Variants in TDRD9 observed in about 807,000 individuals in gnomAD.
TDRD9 encodes ATP-dependent RNA helicase TDRD9.
Under a neutral mutation model 172.6 loss-of-function variants are expected in TDRD9, and 124 were observed. The ratio of observed to expected loss-of-function variants is 0.72; its 90% CI spans 0.62 to 0.83. The LOEUF is 0.83. TDRD9 is among the 40% of genes least tolerant of loss of function. TDRD9 has a pLI of 0.00. For synonymous variants in TDRD9, 619 were observed against 617.1 expected, an observed-to-expected ratio of 1.00 and a Z score of -0.05; for missense variants, 1,479 against 1,714.1, an observed-to-expected ratio of 0.86 and a Z score of 2.42.
intron 1 of TDRD9, among the ~76,000 whole-genome samples, chr14:103,952,218 ATATTTTTTTTTTTTTTTTTTTT>A (rs2031953871): frequency 2.3e-5 from 1 of 44,092 alleles, no homozygotes; most frequent in African/African-American, 1.2e-4. Context: ...ATATATATAT[ATATTTTTTTTTTTTTTTTTTTT>A]TTTTTTTTTT....
intron 19 of TDRD9, among the ~76,000 whole-genome samples, chr14:104,008,083 G>T (rs1048954707): frequency 6.6e-6 from 1 of 152,096 alleles, no homozygotes. Context: ...CTGGCTTAAA[G>T]TCTTTTAAAG....
chr14:103,994,580 A>T lies in TDRD9; in HGVS notation c.1297A>T (p.Ser433Cys). The change falls in exon 11 of 36, where the codon AGT becomes TGT. Residue 433 changes from serine to cysteine, a missense_variant. Physicochemically the swap from Ser to Cys is moderately radical, Grantham distance 112 (BLOSUM62 -1). Around this residue, in one of 3 missense-constraint regions of TDRD9, gnomAD observed 1,413 missense variants for 1,649.1 expected, o/e 0.86. Transcript: ENST00000409874. Reference protein sequence around the residue: ...ALEEQNNVFLSPVPGYRKIIL... With the variant: ...ALEEQNNVFLCPVPGYRKIIL... The stretch of plus-strand genomic sequence containing the variant: ...AGAAGAACAGAATAATGTCTTTTTA[A>T]GTCCAGTCCCTGGGTACAGAAAGGT... 6.2e-7 allele frequency: 1 copy of T among 1,613,706 alleles called. No individual in the cohort carries two copies. Among genetic ancestry groups the T allele is most frequent in the Non-Finnish European group, 8.5e-7 (1 of 1,179,722 alleles).
chr14:104,040,188 C>T lies in TDRD9; in HGVS notation c.3717-8C>T, dbSNP rs1356972627. ...AATAATGGACTCTTCTGAAAACATT[C>T]CATTTAGGATTGATCAGAATGGCAA... On this transcript the variant is annotated splice_region_variant and splice_polypyrimidine_tract_variant and intron_variant, in intron 32 of 35. Coordinates refer to ENST00000409874, the MANE Select transcript of TDRD9 (RefSeq NM_153046.3). 2.8e-6 allele frequency: 4 copies of T among 1,446,914 alleles called. No homozygotes were observed. Among genetic ancestry groups the T allele is most frequent in the Non-Finnish European group, 2.8e-6 (3 of 1,089,320 alleles). 89.6% of individuals were successfully genotyped at this position (1,446,914 alleles called of 1,614,324 possible).
At chr14:104,022,402 C>T (rs1187705402) in intron 24 of TDRD9, 72 bp downstream of exon 24, 6 of 1,468,572 alleles carry the variant, frequency 4.1e-6, no homozygotes, top group African/African-American at 2.8e-5. Flanking sequence ...TTTACATGAC[C>T]GTTGATCTGG....
chr14:103,981,866 CTG>C (rs1391304716), intron 7 of TDRD9, among the ~76,000 whole-genome samples: 1 of 152,184 alleles, frequency 6.6e-6, no homozygotes, highest in Non-Finnish European at 1.5e-5. Context: ...CAGGGACAGT[CTG>C]TGTTAATTTT....
intron 3 of TDRD9, among the ~76,000 whole-genome samples, chr14:103,964,888 G>T (rs2032666672): frequency 6.6e-6 from 1 of 152,112 alleles, no homozygotes; most frequent in Admixed American, 6.6e-5. Context: ...TCGCCTCCTT[G>T]CTCTCTTGTG....
chr14:103,963,033 C>A, intron 2 of TDRD9, 46 bp from the exon 3 acceptor site: 1 of 1,105,198 alleles, frequency 9.0e-7, no homozygotes. Flanking sequence ...TTATCTTTTT[C>A]CAGATAAGAA....
At chr14:104,018,456 T>A (rs1379728827) in intron 23 of TDRD9, among the ~76,000 whole-genome samples, 1 of 152,230 alleles carries the variant, frequency 6.6e-6, no homozygotes, top group Non-Finnish European at 1.5e-5. Context: ...TAACTCAGTG[T>A]GATGCTAAGG....
chr14:103,966,491 A>G (rs1157587488), intron 4 of TDRD9, among the ~76,000 whole-genome samples: 1 of 152,194 alleles, frequency 6.6e-6, no homozygotes, highest in Non-Finnish European at 1.5e-5. Flanking sequence ...TAACATAAAA[A>G]TGTTATAGCA....
chr14:104,042,558 A>G (rs2035640380), intron 34 of TDRD9, among the ~76,000 whole-genome samples: 1 of 152,198 alleles, frequency 6.6e-6, no homozygotes, highest in South Asian at 2.1e-4. Context: ...AGGTTGGAGA[A>G]GGAGCATTCT....
intron 31 of TDRD9, 117 bp downstream of exon 31, chr14:104,034,186 TTTTTTTC>T (rs1364391406): frequency 8.8e-4 from 319 of 364,554 alleles, no homozygotes; most frequent in Admixed American, 1.2e-3. Context: ...TACTATTCTT[TTTTTTTC>T]TTTTTTTTTT....
At chr14:103,968,795 C>CAA (rs71126092) in intron 5 of TDRD9, among the ~76,000 whole-genome samples, 1 of 11,426 alleles carries the variant, frequency 8.8e-5, no homozygotes, top group Non-Finnish European at 2.7e-4. Flanking sequence ...GACTCTGTCT[C>CAA]AAAAAAAAAG....
intron 20 of TDRD9, among the ~76,000 whole-genome samples, chr14:104,010,247 A>AT (rs1459580267): frequency 7.5e-6 from 1 of 133,622 alleles, no homozygotes; most frequent in African/African-American, 2.7e-5. Flanking sequence ...GCCTGTCCTA[A>AT]TTTTTTTTAT....
intron 9 of TDRD9, among the ~76,000 whole-genome samples, chr14:103,993,929 G>A (rs781121495): frequency 2.3e-4 from 35 of 152,318 alleles, no homozygotes; most frequent in Non-Finnish European, 4.6e-4. Context: ...CAAACAGGAC[G>A]GAGGCCTGAT....
At chr14:103,941,431 C>G (rs2031225490) in intron 1 of TDRD9, 1 of 1,535,304 alleles carries the variant, frequency 6.5e-7, no homozygotes, top group Non-Finnish European at 8.7e-7. Context: ...CAAGGTTGAA[C>G]TTGTGAGCAA....
At chr14:103,946,033 A>G (rs539310188) in intron 1 of TDRD9, among the ~76,000 whole-genome samples, 1 of 151,770 alleles carries the variant, frequency 6.6e-6, no homozygotes, top group African/African-American at 2.4e-5. Flanking sequence ...TGGCATGGTC[A>G]TAGCTCACTG....
chr14:103,996,158 C>G (rs544838904), intron 12 of TDRD9, among the ~76,000 whole-genome samples: 2 of 152,340 alleles, frequency 1.3e-5, no homozygotes, highest in South Asian at 4.1e-4. Context: ...GGTTGCTTGG[C>G]AGGACACCAT....
chr14:104,026,019 TAA>T (rs746445628), intron 26 of TDRD9, 26 bp from the exon 27 acceptor site: 9 of 1,472,506 alleles, frequency 6.1e-6, no homozygotes, highest in Non-Finnish European at 9.5e-7. Context: ...GACCCCGTCG[TAA>T]AGTGTATACT....
intron 6 of TDRD9, among the ~76,000 whole-genome samples, chr14:103,972,625 C>T (rs775357576): frequency 3.9e-5 from 6 of 152,182 alleles, no homozygotes; most frequent in African/African-American, 1.2e-4. Flanking sequence ...GATAAAAGGC[C>T]GCATGGTTGG....
Sources: allele counts gnomAD v4.1 joint callset (sites outside exome capture counted in the v4.1 genomes callset), GRCh38; gene constraint gnomAD v4.1.1; regional missense constraint gnomAD v4.1.1; transcripts MANE v1.5; gene names NCBI Gene and HGNC (gene_info 2026-07-23, HGNC 2026-07-21).